RGS6: variants seen among roughly 807,000 people sequenced by gnomAD.
RGS6 encodes regulator of G-protein signaling 6.
In RGS6, 30 loss-of-function variants were observed where a neutral mutation model predicts 78.5. The ratio of observed to expected loss-of-function variants is 0.38; its 90% CI spans 0.29 to 0.52. The LOEUF (loss-of-function observed/expected upper bound fraction) is 0.52. RGS6 is among the 20% of genes least tolerant of loss of function. The pLI, the probability that RGS6 is intolerant of heterozygous loss-of-function variation, is 0.85. For missense variants in RGS6, 495 were observed against 609.7 expected (o/e 0.81, Z 1.98); for synonymous variants, 206 against 206.0 (o/e 1.00, Z 0.00).
chr14:72,131,230 T>G (rs560033781), intron 2 of RGS6, among the ~76,000 whole-genome samples: 11 of 152,350 alleles, frequency 7.2e-5, no homozygotes. Flanking sequence ...GCTATTTTAA[T>G]GCCCGACTGT....
At chr14:72,479,880 G>A (rs966065569) in intron 12 of RGS6, among the ~76,000 whole-genome samples, 1 of 152,190 alleles carries the variant, frequency 6.6e-6, no homozygotes, top group African/African-American at 2.4e-5. Context: ...GACAGAAATG[G>A]CTGTCCTAGT....
chr14:72,258,844 G>A (rs1324139419), intron 2 of RGS6, among the ~76,000 whole-genome samples: 3 of 152,198 alleles, frequency 2.0e-5, no homozygotes, highest in Non-Finnish European at 4.4e-5. Flanking sequence ...CGGGGAAAGG[G>A]TCTAAAATGG....
At chr14:72,233,014 C>T (rs2153813067) in intron 2 of RGS6, among the ~76,000 whole-genome samples, 1 of 152,278 alleles carries the variant, frequency 6.6e-6, no homozygotes, top group Non-Finnish European at 1.5e-5. Flanking sequence ...TACCCACCTA[C>T]AGAGCTCTCA....
At chr14:72,453,813 A>G (rs971554192) in intron 3 of RGS6, among the ~76,000 whole-genome samples, 18 of 151,958 alleles carry the variant, frequency 1.2e-4, no homozygotes, top group African/African-American at 3.4e-4. Flanking sequence ...CTCCCTGCCT[A>G]TTGTGGCTCT....
intron 2 of RGS6, among the ~76,000 whole-genome samples, chr14:72,146,398 T>C (rs1490573286): frequency 6.6e-6 from 1 of 152,200 alleles, no homozygotes. Flanking sequence ...TCATACCAAT[T>C]GCTCTAAAAA....
At chr14:72,378,479 A>G (rs1179448506) in intron 3 of RGS6, among the ~76,000 whole-genome samples, 1 of 152,116 alleles carries the variant, frequency 6.6e-6, no homozygotes, top group East Asian at 1.9e-4. Context: ...AAAAAAAGAG[A>G]AGACTCAAAT....
chr14:72,419,685 G>A (rs1422554615), intron 3 of RGS6, among the ~76,000 whole-genome samples: 1 of 152,114 alleles, frequency 6.6e-6, no homozygotes, highest in Non-Finnish European at 1.5e-5. Context: ...CCTGGCTGTT[G>A]CAAAAAGGCT....
chr14:72,449,480 C>T (rs1000542740), intron 3 of RGS6, among the ~76,000 whole-genome samples: 1 of 152,156 alleles, frequency 6.6e-6, no homozygotes, highest in Non-Finnish European at 1.5e-5. Flanking sequence ...AGGAAGCTAT[C>T]CCTGTCAAAT....
chr14:72,548,408 G>A (rs1451773172), intron 17 of RGS6, among the ~76,000 whole-genome samples: 1 of 151,508 alleles, frequency 6.6e-6, no homozygotes. Context: ...GATGGCATTT[G>A]TAGCCTTTCC....
chr14:72,242,395 T>G (rs2053099043), intron 2 of RGS6, among the ~76,000 whole-genome samples: 1 of 152,184 alleles, frequency 6.6e-6, no homozygotes, highest in Non-Finnish European at 1.5e-5. Flanking sequence ...TAAGGGAAGT[T>G]CAGATAAGAC....
chr14:72,207,339 T>G (rs1469905258), intron 2 of RGS6, among the ~76,000 whole-genome samples: 1 of 152,170 alleles, frequency 6.6e-6, no homozygotes, highest in Non-Finnish European at 1.5e-5. Flanking sequence ...AATGTTATGG[T>G]TTTTAGGTAT....
chr14:72,586,912 G>A, the RGS6 span, among the ~76,000 whole-genome samples: 2 of 152,186 alleles, frequency 1.3e-5, no homozygotes, highest in African/African-American at 4.8e-5. Context: ...AGAGGCATTA[G>A]TAATATTACC....
chr14:72,131,533 G>T (rs72719844), intron 2 of RGS6, among the ~76,000 whole-genome samples: 1 of 152,220 alleles, frequency 6.6e-6, no homozygotes, highest in Non-Finnish European at 1.5e-5. Flanking sequence ...GGATAGTTTT[G>T]TCTCCCTGTC....
intron 13 of RGS6, among the ~76,000 whole-genome samples, chr14:72,497,825 AT>A (rs1237162088): frequency 1.3e-5 from 2 of 149,952 alleles, no homozygotes; most frequent in African/African-American, 2.5e-5. Context: ...TTAACTCAGG[AT>A]TTTTTTTCTC....
intron 2 of RGS6, among the ~76,000 whole-genome samples, chr14:72,316,563 A>G (rs1243629743): frequency 1.3e-5 from 2 of 152,206 alleles, no homozygotes; most frequent in Admixed American, 6.5e-5. Flanking sequence ...AAACGGCATG[A>G]ACTCATCCTT....
chr14:72,540,333 G>T, intron 17 of RGS6: 1 of 1,464,268 alleles, frequency 6.8e-7, no homozygotes. Flanking sequence ...TGATCGCCCA[G>T]CCTCAGGCCT....
At chr14:71,868,865 G>T in the RGS6 span, among the ~76,000 whole-genome samples, 2 of 152,150 alleles carry the variant, frequency 1.3e-5, no homozygotes, top group African/African-American at 4.8e-5. Flanking sequence ...ATTCTAGGGT[G>T]CCTAGCACAG....
At chr14:72,491,996 T>C (rs1273428944) in intron 12 of RGS6, among the ~76,000 whole-genome samples, 2 of 152,056 alleles carry the variant, frequency 1.3e-5, no homozygotes, top group Admixed American at 6.5e-5. Flanking sequence ...CCACATACGC[T>C]CAGATCTCAG....
At chr14:72,620,076 C>A in the RGS6 span, 2 of 1,337,548 alleles carry the variant, frequency 1.5e-6, no homozygotes, top group Non-Finnish European at 2.0e-6. Context: ...CTTATTTCCA[C>A]GTCGGTCTCA....
Sources: allele counts gnomAD v4.1 joint callset (sites outside exome capture counted in the v4.1 genomes callset), GRCh38; gene constraint gnomAD v4.1.1; transcripts MANE v1.5; gene names NCBI Gene and HGNC (gene_info 2026-07-23, HGNC 2026-07-21).